The following SERHL2 variants were observed in gnomAD, a reference collection of about 807,000 sequenced individuals.
SERHL2 encodes the protein serine hydrolase-like protein 2.
SERHL2 carries 29 observed loss-of-function variants against 25.5 expected under a neutral mutation model. That is an observed-to-expected ratio of 1.14 (90% CI 0.85 to 1.55). SERHL2 has a LOEUF of 1.55. Ranked by LOEUF, SERHL2 falls within the 40% of genes most tolerant of loss-of-function variation. SERHL2 has a pLI of 0.00. For synonymous variants in SERHL2, 95 were observed against 103.5 expected, an observed-to-expected ratio of 0.92 and a Z score of 0.50; for missense variants, 240 against 252.3, an observed-to-expected ratio of 0.95 and a Z score of 0.33.
rs143670057 is a variant in SERHL2 at position 42,574,380 on chromosome 22, T to G, written c.*325T>G. On this transcript the variant is annotated 3_prime_UTR_variant, in exon 12 of 12. Coordinates refer to ENST00000327678, the MANE Select transcript of SERHL2 (RefSeq NM_014509.5). ...TGGAAAATAAAAGGTTCTTGTATTC[T>G]CACTGCTTTTGAGGCTTTTTTGTTG... The G allele has an allele frequency of 8.0e-6, 4 of 500,504 alleles. No homozygotes were observed. The highest frequency in any genetic ancestry group is 1.4e-5 in the Non-Finnish European group (4 of 279,514). 31.0% of individuals were successfully genotyped at this position (500,504 alleles called of 1,614,324 possible). A position where few individuals can be genotyped will look rare whatever the true frequency, so the allele number is the denominator to read the frequency against.
chr22:42,569,683 CAT>C (rs1320143375), intron 9 of SERHL2: 1 of 151,916 alleles, frequency 6.6e-6, no homozygotes, highest in Non-Finnish European at 1.5e-5. Context: ...TGGCAGCTGA[CAT>C]ATGAGAACAC....
intron 8 of SERHL2, among the ~76,000 whole-genome samples, chr22:42,564,321 G>A (rs531962648): frequency 6.6e-6 from 1 of 151,570 alleles, no homozygotes; most frequent in Non-Finnish European, 1.5e-5. Context: ...CATGTAAGGG[G>A]CTGCCTTGGT....
At chr22:42,565,108 G>A (rs951975215) in intron 8 of SERHL2, 1 of 152,752 alleles carries the variant, frequency 6.5e-6, no homozygotes, top group Non-Finnish European at 1.5e-5. Context: ...AGCTTGTTTG[G>A]AGGTTCTAGC....
chr22:42,568,443 G>T (rs1191827108), intron 9 of SERHL2, among the ~76,000 whole-genome samples: 3 of 151,752 alleles, frequency 2.0e-5, no homozygotes, highest in African/African-American at 7.3e-5. Context: ...GGAATTTATT[G>T]CCAGATCCTA....
At chr22:42,571,971 T>A (rs1924282480) in intron 10 of SERHL2, 1 of 147,486 alleles carries the variant, frequency 6.8e-6, no homozygotes, top group African/African-American at 2.5e-5. Context: ...TGTGTGTGTG[T>A]CCGCGTAAGC....
At chr22:42,572,400 A>G (rs750626091) in intron 10 of SERHL2, 36 bp from the exon 11 acceptor site, 6 of 1,518,846 alleles carry the variant, frequency 4.0e-6, no homozygotes, top group Non-Finnish European at 4.6e-6. Flanking sequence ...CGGTTCTAAG[A>G]TGAACCCCAA....
chr22:42,565,372 C>T (rs1321921520), intron 8 of SERHL2: 2 of 151,028 alleles, frequency 1.3e-5, no homozygotes, highest in African/African-American at 2.4e-5. Context: ...GTCACCTGGG[C>T]TGGAATGCAG....
chr22:42,561,908 C>T (rs1301781325), intron 8 of SERHL2, among the ~76,000 whole-genome samples: 3 of 151,704 alleles, frequency 2.0e-5, no homozygotes, highest in East Asian at 3.9e-4. Context: ...ACCTAGGGAG[C>T]CCCAGGCACA....
At chr22:42,566,241 C>T (rs960012084) in intron 8 of SERHL2, 63 bp from the exon 9 acceptor site, 16 of 1,542,450 alleles carry the variant, frequency 1.0e-5, no homozygotes, top group Middle Eastern at 1.7e-4. Context: ...AGCAAAGTCA[C>T]GGAGCGTCCC....
chr22:42,559,452 AG>A (rs1922391068), intron 7 of SERHL2, among the ~76,000 whole-genome samples: 1 of 151,626 alleles, frequency 6.6e-6, no homozygotes, highest in Non-Finnish European at 1.5e-5. Context: ...CTGTAATCCC[AG>A]CACTTTGGAA....
chr22:42,567,328 G>T (rs1395682624), intron 9 of SERHL2, among the ~76,000 whole-genome samples: 1 of 152,000 alleles, frequency 6.6e-6, no homozygotes, highest in Non-Finnish European at 1.5e-5. Context: ...GTGTCAGATA[G>T]TGATTCATTT....
chr22:42,572,178 G>A (rs1003115873), intron 10 of SERHL2, among the ~76,000 whole-genome samples: 4 of 152,070 alleles, frequency 2.6e-5, no homozygotes, highest in Non-Finnish European at 5.9e-5. Context: ...GGCTGACTGT[G>A]ACCAAGTCCT....
intron 11 of SERHL2, chr22:42,573,553 C>G: frequency 4.5e-6 from 1 of 222,376 alleles, no homozygotes; most frequent in Non-Finnish European, 8.9e-6. Flanking sequence ...AGCCACTGCG[C>G]CCGGCCCTGT....
chr22:42,571,449 G>T (rs529897170), intron 10 of SERHL2: 4 of 1,033,698 alleles, frequency 3.9e-6, no homozygotes, highest in African/African-American at 1.7e-5. Context: ...AGGTGTCAGC[G>T]GGGGGCATGC....
At position 42,571,552 on chromosome 22, in the gene SERHL2, A is replaced by C. The variant is rs1048148720; in HGVS notation, c.731+349A>C. ...ACGATTCTCCTGCCTCAGCCTCCCG[A>C]GTAGCTGGGACTACAGGCGCCCGCC... On this transcript the variant is annotated intron_variant, in intron 10 of 11. Transcript: ENST00000327678. The C allele has an allele frequency of 8.9e-6, 8 of 896,976 alleles. No individual in the cohort carries two copies. The East Asian group carries it at 2.8e-4, about 31-fold the overall frequency. The allele number at this position is 896,976 out of a possible 1,614,324, so 55.6% of individuals were successfully genotyped here. A position where few individuals can be genotyped will look rare whatever the true frequency, so the allele number is the denominator to read the frequency against.
intron 7 of SERHL2, among the ~76,000 whole-genome samples, chr22:42,559,338 C>T (rs562889641): frequency 1.7e-4 from 25 of 150,198 alleles, no homozygotes; most frequent in Non-Finnish European, 3.4e-4. Context: ...CCCAGGAGGT[C>T]GAGGCTGCAG....
chr22:42,559,206 G>A (rs1371539677), intron 7 of SERHL2, among the ~76,000 whole-genome samples: 1 of 86,840 alleles, frequency 1.2e-5, no homozygotes, highest in African/African-American at 6.7e-5. Context: ...ACCAGCCTGA[G>A]CGAGATAGCG....
intron 8 of SERHL2, among the ~76,000 whole-genome samples, chr22:42,564,300 T>G (rs1923054801): frequency 6.6e-6 from 1 of 151,682 alleles, no homozygotes; most frequent in South Asian, 2.1e-4. Context: ...CAAGTCTATC[T>G]TTACCCTGTT....
rs747399895 is a variant in SERHL2 at position 42,574,052 on chromosome 22, G to A, written c.942G>A (p.Leu314=). Residue 314 remains leucine, a synonymous_variant, in exon 12 of 12, where the codon CTG becomes CTA. Transcript: ENST00000327678. Reference sequence around the variant, plus strand: ...GCACACACATGCTCCCAGCCCAGCTGTAGCTCTGGGCCTGGAACTATGAAG... The same window carrying A: ...GCACACACATGCTCCCAGCCCAGCTATAGCTCTGGGCCTGGAACTATGAAG... The part of the protein sequence containing the change: ...LQCTHMLPAQ[L] 32 of 1,612,376 alleles carry A rather than the reference G, an allele frequency of 2.0e-5. No individual in the cohort carries two copies. The African/African-American group carries it at 2.9e-4, about 15-fold the overall frequency.
Sources: gnomAD v4.1 joint callset for allele counts (sites outside exome capture counted in the v4.1 genomes callset) on GRCh38, gnomAD v4.1.1 for gene constraint, MANE v1.5 for transcripts, NCBI Gene and HGNC (gene_info 2026-07-23, HGNC 2026-07-21) for gene names.